FUBP1: variants seen among roughly 807,000 people sequenced by gnomAD.
The protein encoded by FUBP1 is far upstream element-binding protein 1.
Under a neutral mutation model 94.9 loss-of-function variants are expected in FUBP1, and 16 were observed. The observed-to-expected ratio is 0.17, with a 90% CI of 0.11 to 0.26. The LOEUF (loss-of-function observed/expected upper bound fraction) is 0.26. Ranked by LOEUF, FUBP1 falls within the 10% of genes least tolerant of loss-of-function variation. The pLI is 1.00. For synonymous variants in FUBP1, 279 were observed against 254.9 expected (o/e 1.09, Z -0.90); for missense variants, 583 against 808.6 (o/e 0.72, Z 3.38).
At chr1:77,961,960 T>G (rs555372628) in intron 14 of FUBP1, among the ~76,000 whole-genome samples, 1 of 152,304 alleles carries the variant, frequency 6.6e-6, no homozygotes, top group East Asian at 1.9e-4. Flanking sequence ...TCTTCCCAAG[T>G]TGACAGAAAC....
At chr1:77,967,907 G>C (rs964438522) in intron 3 of FUBP1, among the ~76,000 whole-genome samples, 90 of 152,164 alleles carry the variant, frequency 5.9e-4, no homozygotes, top group African/African-American at 2.1e-3. Flanking sequence ...TTTTCAAGTT[G>C]TACAAGTATA....
At chr1:77,965,573 C>T (rs1483126235) in intron 7 of FUBP1, among the ~76,000 whole-genome samples, 3 of 152,166 alleles carry the variant, frequency 2.0e-5, no homozygotes, top group African/African-American at 7.2e-5. Context: ...TACCATTTTG[C>T]TTACTCATAT....
intron 15 of FUBP1, 26 bp downstream of exon 15, chr1:77,960,318 A>T (rs574304364): frequency 2.0e-5 from 33 of 1,612,984 alleles, no homozygotes; most frequent in Non-Finnish European, 2.7e-5. Context: ...CTTTGGGGAA[A>T]GCCCAGAACT....
intron 1 of FUBP1, among the ~76,000 whole-genome samples, chr1:77,972,107 G>A (rs1363185980): frequency 6.6e-6 from 1 of 151,418 alleles, no homozygotes; most frequent in Admixed American, 6.6e-5. Flanking sequence ...GTTTCTGGGT[G>A]TCTAATTTAA....
intron 2 of FUBP1, 125 bp from the exon 3 acceptor site, chr1:77,968,328 C>G (rs1251731500): frequency 3.2e-6 from 2 of 622,438 alleles, no homozygotes; most frequent in Non-Finnish European, 5.5e-6. Flanking sequence ...ATCATTTGAA[C>G]CAAAACTGCC....
chr1:77,956,509 G>A, intron 17 of FUBP1, 63 bp downstream of exon 17: 1 of 1,105,208 alleles, frequency 9.0e-7, no homozygotes, highest in Non-Finnish European at 1.4e-6. Context: ...ATACAGTGAT[G>A]TACTTCATAT....
At chr1:77,976,415 A>G (rs901704960) in intron 1 of FUBP1, among the ~76,000 whole-genome samples, 6 of 152,242 alleles carry the variant, frequency 3.9e-5, no homozygotes, top group Admixed American at 2.6e-4. Context: ...AGCATTATAC[A>G]ACAATAAATT....
intron 10 of FUBP1, 143 bp downstream of exon 10, chr1:77,964,503 C>A: frequency 1.5e-6 from 1 of 664,888 alleles, no homozygotes; most frequent in East Asian, 2.7e-5. Context: ...AATAGGGTAA[C>A]AAGATATATA....
At position 77,948,806 on chromosome 1, in the gene FUBP1, A is replaced by G. The variant is rs191860494; in HGVS notation, c.1927-32T>C. 5 of 1,608,032 alleles carry G rather than the reference A, an allele frequency of 3.1e-6. No homozygotes were observed. In the African/African-American group the frequency reaches 5.3e-5, roughly 17 times the overall value. ...AGAAGAGATACATAAGAAATACACAAAAAGTTAAAGAAAATCCTTGAAATG... is the reference window on the plus strand; with the variant it reads ...AGAAGAGATACATAAGAAATACACAGAAAGTTAAAGAAAATCCTTGAAATG... On this transcript the variant is annotated intron_variant, in intron 19 of 19. Coordinates refer to ENST00000370768, the MANE Select transcript of FUBP1 (RefSeq NM_003902.5).
rs576321921 is a variant in FUBP1, at chr1:77,966,349, A to G, written c.473+345T>C. Among the ~76,000 whole-genome samples, 6 of 152,324 alleles carry G rather than the reference A, an allele frequency of 3.9e-5. No individual in the cohort carries two copies. In the South Asian group the frequency reaches 1.2e-3, roughly 32 times the overall value. ...GAGGAGTGGAAAAGTGAATGGAACTAGGGAAATGCAGGCAACACAACAGTC... is the reference window on the plus strand; with the variant it reads ...GAGGAGTGGAAAAGTGAATGGAACTGGGGAAATGCAGGCAACACAACAGTC... On this transcript the variant is annotated intron_variant, in intron 7 of 19. Transcript: ENST00000370768.
rs2102399180 is a variant in FUBP1, at chr1:77,964,689, C to T, written c.794G>A (p.Arg265Gln). The T allele has an allele frequency of 4.3e-6, 7 of 1,612,440 alleles. No homozygotes were observed. The highest frequency in any genetic ancestry group is 2.2e-5 in the East Asian group (1 of 44,860). ...TCCTATTCTTGACCCATACTCATTC[C>T]GAACTTCTCTGAAACCGCCTTGATC... Reference protein sequence around the residue: ...IRDQGGFREVRNEYGSRIGGN... With the variant: ...IRDQGGFREVQNEYGSRIGGN... Residue 265 changes from arginine (R) to glutamine (Q), a missense_variant, in exon 10 of 20, where the codon CGG becomes CAG. By Grantham distance (43) the Arg-to-Gln change is conservative. Coordinates refer to ENST00000370768, the MANE Select transcript of FUBP1 (RefSeq NM_003902.5).
In FUBP1 at chr1:77,945,428, G is replaced by T; in HGVS notation, c.*3338C>A. 1 of 212,382 alleles carries T rather than the reference G, an allele frequency of 4.7e-6. No homozygotes were observed. Among genetic ancestry groups the T allele is most frequent in the Non-Finnish European group, 9.5e-6 (1 of 104,844 alleles). The allele number at this position is 212,382 out of a possible 1,614,324, so 13.2% of individuals were successfully genotyped here. On this transcript the variant is annotated 3_prime_UTR_variant, in exon 20 of 20. Coordinates refer to ENST00000370768, the MANE Select transcript of FUBP1 (RefSeq NM_003902.5). ...ACTTTAAAATGAAAAGTGATCAAAA[G>T]CAGGTACATTACACCCTATACCATA... is the stretch of plus-strand genomic sequence containing the variant.
At chr1:77,975,277 G>A (rs1271479702) in intron 1 of FUBP1, among the ~76,000 whole-genome samples, 1 of 152,136 alleles carries the variant, frequency 6.6e-6, no homozygotes, top group Non-Finnish European at 1.5e-5. Flanking sequence ...CCATACACCA[G>A]ACATGTGAAG....
intron 18 of FUBP1, among the ~76,000 whole-genome samples, chr1:77,954,498 T>A (rs956717533): frequency 6.6e-6 from 1 of 152,216 alleles, no homozygotes; most frequent in Non-Finnish European, 1.5e-5. Context: ...TATGTAATTT[T>A]ACATCTAGAA....
rs565033388 is a variant in FUBP1 at position 77,955,439 on chromosome 1, G to A, written c.1706-110C>T. On this transcript the variant is annotated intron_variant, in intron 17 of 19. Transcript: ENST00000370768. Reference sequence around the variant, plus strand: ...AGGGGCCTGCAATGTGACAGTGAGGGTAGGAGGGAAGTACTATGTGGTGGT... The same window carrying A: ...AGGGGCCTGCAATGTGACAGTGAGGATAGGAGGGAAGTACTATGTGGTGGT... The A allele has an allele frequency of 1.5e-5, 10 of 677,704 alleles. No individual in the cohort carries two copies. The East Asian group carries it at 1.9e-4, about 13-fold the overall frequency. The allele number at this position is 677,704 out of a possible 1,614,324, so 42.0% of individuals were successfully genotyped here. A position where few individuals can be genotyped will look rare whatever the true frequency, so the allele number is the denominator to read the frequency against.
chr1:77,949,037 T>TA, intron 19 of FUBP1, 118 bp downstream of exon 19: 1 of 1,024,796 alleles, frequency 9.8e-7, no homozygotes, highest in African/African-American at 1.6e-5. Context: ...TTCATTTAAA[T>TA]AGTTATTATA....
chr1:77,958,594 GTTAC>G (rs1489531667), intron 16 of FUBP1, among the ~76,000 whole-genome samples: 1 of 152,158 alleles, frequency 6.6e-6, no homozygotes, highest in African/African-American at 2.4e-5. Flanking sequence ...AGTTAAATGG[GTTAC>G]TTCTTGCCCA....
chr1:77,949,340 T>TA, intron 18 of FUBP1, 40 bp from the exon 19 acceptor site: 1 of 1,546,076 alleles, frequency 6.5e-7, no homozygotes, highest in African/African-American at 1.4e-5. Flanking sequence ...ACCACAATTA[T>TA]AAGCCCAACA....
chr1:77,953,572 T>C (rs553248768), intron 18 of FUBP1, among the ~76,000 whole-genome samples: 2 of 152,320 alleles, frequency 1.3e-5, no homozygotes, highest in Admixed American at 6.5e-5. Context: ...GGAGGTTCTT[T>C]AGTCATACAG....
Sources: allele counts gnomAD v4.1 joint callset (sites outside exome capture counted in the v4.1 genomes callset), GRCh38; gene constraint gnomAD v4.1.1; transcripts MANE v1.5; gene names NCBI Gene and HGNC (gene_info 2026-07-23, HGNC 2026-07-21).